Variants in AK5 observed in about 807,000 individuals in gnomAD.
AK5 encodes adenylate kinase 5.
In AK5, 27 loss-of-function variants were observed where a neutral mutation model predicts 69.5. The observed-to-expected ratio is 0.39, with a 90% CI of 0.29 to 0.54. The LOEUF (loss-of-function observed/expected upper bound fraction) is 0.54. Among genes scored for constraint, AK5 ranks in the 20% least tolerant of loss-of-function variants. The pLI, the probability that AK5 is intolerant of heterozygous loss-of-function variation, is 0.71. For synonymous variants in AK5, 260 were observed against 244.4 expected (o/e 1.06, Z -0.60); for missense variants, 531 against 700.4 (o/e 0.76, Z 2.73).
chr1:77,463,971 A>G (rs1042483678), intron 8 of AK5, among the ~76,000 whole-genome samples: 1 of 152,228 alleles, frequency 6.6e-6, no homozygotes, highest in African/African-American at 2.4e-5. Context: ...TAAAAGTGCT[A>G]TGGGTTAATG....
At chr1:77,314,167 G>A (rs1660117439) in intron 5 of AK5, 1 of 299,244 alleles carries the variant, frequency 3.3e-6, no homozygotes, top group African/African-American at 2.2e-5. Context: ...AATTTTATAT[G>A]TGAGGAGATG....
At chr1:77,482,501 G>A (rs910579684) in intron 8 of AK5, among the ~76,000 whole-genome samples, 3 of 152,142 alleles carry the variant, frequency 2.0e-5, no homozygotes, top group Admixed American at 6.5e-5. Flanking sequence ...GGCCGGGCAC[G>A]GTGGCTCATG....
chr1:77,340,337 G>T, intron 5 of AK5, 40 bp from the exon 6 acceptor site: 2 of 1,564,740 alleles, frequency 1.3e-6, no homozygotes, highest in Non-Finnish European at 8.8e-7. Context: ...GCATTAGTTG[G>T]TATGTTGAAT....
intron 6 of AK5, among the ~76,000 whole-genome samples, chr1:77,355,904 CAT>C (rs1200942718): frequency 5.4e-4 from 62 of 115,534 alleles, no homozygotes; most frequent in Middle Eastern, 4.6e-3. Flanking sequence ...CACACACACA[CAT>C]ATATATATAC....
At chr1:77,424,232 G>A (rs138393644) in intron 8 of AK5, among the ~76,000 whole-genome samples, 42 of 152,318 alleles carry the variant, frequency 2.8e-4, no homozygotes, top group African/African-American at 9.4e-4. Flanking sequence ...GTCATATATA[G>A]CAGGAATGTG....
intron 8 of AK5, among the ~76,000 whole-genome samples, chr1:77,456,007 G>A (rs1023226944): frequency 1.3e-5 from 2 of 152,216 alleles, no homozygotes; most frequent in African/African-American, 4.8e-5. Context: ...TGAAGGAAAT[G>A]TGCTAATTCA....
At chr1:77,479,082 C>A (rs1655110867) in intron 8 of AK5, among the ~76,000 whole-genome samples, 1 of 151,974 alleles carries the variant, frequency 6.6e-6, no homozygotes, top group South Asian at 2.1e-4. Context: ...AGCCAGTAAT[C>A]CCACTTTGAA....
At chr1:77,286,251 CTG>C (rs1376646180) in intron 1 of AK5, among the ~76,000 whole-genome samples, 1 of 151,638 alleles carries the variant, frequency 6.6e-6, no homozygotes, top group African/African-American at 2.4e-5. Flanking sequence ...AAAGAAGAAA[CTG>C]AGGTTTAGAG....
rs1553139660 is a variant in AK5, at chr1:77,367,555, T to TATATA, written c.891+26987_891+26988insATATA. On this transcript the variant is annotated intron_variant, in intron 6 of 13. Coordinates refer to ENST00000354567, the MANE Select transcript of AK5 (RefSeq NM_174858.3). Reference sequence around the variant, plus strand: ...TGTTGCCCAGACTCATTTATGTTATTTTTATATATATATATATATATATAA... The same window carrying TATATA: ...TGTTGCCCAGACTCATTTATGTTATTATATATTTATATATATATATATATATATAA... Among the ~76,000 whole-genome samples, 132 of 59,310 alleles carry TATATA rather than the reference T, an allele frequency of 2.2e-3. 15 individuals are homozygous for TATATA. The highest frequency in any genetic ancestry group is 0.011 in the African/African-American group (114 of 10,844). 38.9% of individuals were successfully genotyped at this position (59,310 alleles called of 152,430 possible). A position where few individuals can be genotyped will look rare whatever the true frequency, so the allele number is the denominator to read the frequency against.
At chr1:77,423,277 G>A (rs943993291) in intron 8 of AK5, among the ~76,000 whole-genome samples, 1 of 150,806 alleles carries the variant, frequency 6.6e-6, no homozygotes, top group Non-Finnish European at 1.5e-5. Flanking sequence ...GGAGTGCAGG[G>A]TACCTTGTAC....
chr1:77,427,540 C>T lies in AK5; in HGVS notation c.1059+9825C>T, dbSNP rs567317591. Among the ~76,000 whole-genome samples, 3 of 152,126 alleles carry T rather than the reference C, an allele frequency of 2.0e-5. No individual in the cohort carries two copies. The South Asian group carries it at 6.2e-4, about 32-fold the overall frequency. On this transcript the variant is annotated intron_variant, in intron 8 of 13. Transcript: ENST00000354567. Reference sequence around the variant, plus strand: ...GCTCTAGGTTCACTGGTGAATTTTACCAAACATTTAAGGAAGAAATCATAC... The same window carrying T: ...GCTCTAGGTTCACTGGTGAATTTTATCAAACATTTAAGGAAGAAATCATAC...
At chr1:77,465,392 A>G (rs564675413) in intron 8 of AK5, among the ~76,000 whole-genome samples, 2 of 152,310 alleles carry the variant, frequency 1.3e-5, no homozygotes, top group South Asian at 2.1e-4. Flanking sequence ...AAATAAATAT[A>G]CTACAGTTTC....
chr1:77,308,436 CAAA>C (rs751801437), intron 5 of AK5, among the ~76,000 whole-genome samples: 28 of 37,704 alleles, frequency 7.4e-4, no homozygotes, highest in African/African-American at 1.5e-3. Flanking sequence ...GACTCTGTCT[CAAA>C]AAAAAAAAAA....
intron 12 of AK5, among the ~76,000 whole-genome samples, chr1:77,526,508 C>T (rs1016186198): frequency 1.7e-4 from 22 of 132,640 alleles, no homozygotes; most frequent in African/African-American, 6.4e-4. Flanking sequence ...CGGAGTCTCG[C>T]TCTGTCGCCC....
chr1:77,291,599 C>T (rs1484511821), intron 2 of AK5, among the ~76,000 whole-genome samples: 1 of 151,968 alleles, frequency 6.6e-6, no homozygotes, highest in African/African-American at 2.4e-5. Flanking sequence ...CTCTACCCAC[C>T]CATTTTATCT....
intron 10 of AK5, among the ~76,000 whole-genome samples, chr1:77,516,883 A>C (rs976697799): frequency 6.6e-5 from 10 of 152,014 alleles, no homozygotes; most frequent in African/African-American, 2.2e-4. Context: ...CAGCCTGGCC[A>C]ACGTAGTGAA....
chr1:77,472,105 C>T (rs1318221351), intron 8 of AK5, among the ~76,000 whole-genome samples: 1 of 152,210 alleles, frequency 6.6e-6, no homozygotes, highest in Non-Finnish European at 1.5e-5. Context: ...AAGCAGTATT[C>T]AGTGAACTTG....
At chr1:77,414,010 C>T (rs149479334) in intron 7 of AK5, among the ~76,000 whole-genome samples, 218 of 152,320 alleles carry the variant, frequency 1.4e-3, no homozygotes, top group African/African-American at 5.0e-3. Context: ...CTGTGGAATT[C>T]GAGCTGGCCT....
At chr1:77,488,300 A>G (rs1274385715) in intron 10 of AK5, among the ~76,000 whole-genome samples, 1 of 152,188 alleles carries the variant, frequency 6.6e-6, no homozygotes, top group African/African-American at 2.4e-5. Context: ...GAGTAACCCA[A>G]TGTCATAATT....
Sources: gnomAD v4.1 joint callset for allele counts (sites outside exome capture counted in the v4.1 genomes callset) on GRCh38, gnomAD v4.1.1 for gene constraint, MANE v1.5 for transcripts, NCBI Gene and HGNC (gene_info 2026-07-23, HGNC 2026-07-21) for gene names.